Variants in ZBBX observed in about 807,000 individuals in gnomAD.
ZBBX encodes the protein zinc finger B-box domain-containing protein 1.
ZBBX carries 101 observed loss-of-function variants against 108.5 expected under a neutral mutation model. The ratio of observed to expected loss-of-function variants is 0.93; its 90% CI spans 0.79 to 1.10. ZBBX has a LOEUF of 1.10. Ranked by LOEUF, ZBBX falls within the 50% of genes least tolerant of loss-of-function variation. The pLI is 0.00. For synonymous variants in ZBBX, 356 were observed against 323.4 expected, an observed-to-expected ratio of 1.10 and a Z score of -1.08; for missense variants, 1,009 against 941.4, an observed-to-expected ratio of 1.07 and a Z score of -0.94.
At chr3:167,360,862 T>C in intron 6 of ZBBX, 139 bp from the exon 7 acceptor site, 1 of 378,082 alleles carries the variant, frequency 2.6e-6, no homozygotes, top group South Asian at 9.9e-5. Flanking sequence ...ATAAAATTAA[T>C]AGGAGATCAT....
chr3:167,378,644 GCAGCCTTAGAAACTACCTAGAGAAGGCA>G (rs1216967520), intron 2 of ZBBX, among the ~76,000 whole-genome samples: 1 of 152,152 alleles, frequency 6.6e-6, no homozygotes, highest in African/African-American at 2.4e-5. Context: ...AGGGAAAGGG[GCAGCCTTAGAAACTACCTAGAGAAGGCA>G]CAGCCTTAGA....
the ZBBX span, among the ~76,000 whole-genome samples, chr3:167,230,960 A>T: frequency 6.6e-5 from 10 of 151,948 alleles, no homozygotes; most frequent in Admixed American, 6.6e-4. Context: ...CATGTATTTT[A>T]AAATAGAGTT....
chr3:167,243,727 T>C (rs1205613193), intron 20 of ZBBX, among the ~76,000 whole-genome samples: 1 of 148,308 alleles, frequency 6.7e-6, no homozygotes, highest in Non-Finnish European at 1.5e-5. Context: ...TCAACATACA[T>C]GTGTTCTACA....
intron 1 of ZBBX, among the ~76,000 whole-genome samples, chr3:167,405,636 G>C (rs1033007643): frequency 6.6e-6 from 1 of 152,184 alleles, no homozygotes; most frequent in Non-Finnish European, 1.5e-5. Context: ...CTTTCAGGGA[G>C]CTTGATATTT....
intron 20 of ZBBX, among the ~76,000 whole-genome samples, chr3:167,258,217 C>T (rs1723867809): frequency 6.6e-6 from 1 of 152,080 alleles, no homozygotes; most frequent in African/African-American, 2.4e-5. Context: ...CTAGTACAGC[C>T]ACTATGGAAA....
At chr3:167,179,127 A>G in the ZBBX span, among the ~76,000 whole-genome samples, 1 of 152,152 alleles carries the variant, frequency 6.6e-6, no homozygotes, top group Admixed American at 6.5e-5. Flanking sequence ...CATGATTGGC[A>G]TGTAGCCCAG....
chr3:167,197,255 T>C, the ZBBX span, among the ~76,000 whole-genome samples: 1 of 152,162 alleles, frequency 6.6e-6, no homozygotes, highest in South Asian at 2.1e-4. Flanking sequence ...ATTTAAAATG[T>C]AGGCTGGGCA....
At chr3:167,332,733 C>T (rs560258944) in intron 10 of ZBBX, among the ~76,000 whole-genome samples, 4 of 152,158 alleles carry the variant, frequency 2.6e-5, no homozygotes, top group Admixed American at 1.3e-4. Flanking sequence ...AAGGGAGGCA[C>T]GAAGAAGAAA....
intron 20 of ZBBX, among the ~76,000 whole-genome samples, chr3:167,276,524 T>A (rs2108498966): frequency 6.6e-6 from 1 of 151,572 alleles, no homozygotes; most frequent in Non-Finnish European, 1.5e-5. Context: ...TAAAATGAAG[T>A]GAGAAGGGAA....
chr3:167,400,626 T>C (rs1748396310), intron 1 of ZBBX, among the ~76,000 whole-genome samples: 1 of 152,074 alleles, frequency 6.6e-6, no homozygotes, highest in South Asian at 2.1e-4. Context: ...CAGGTATCAG[T>C]TAATTTAGAA....
At chr3:167,180,082 C>T in the ZBBX span, among the ~76,000 whole-genome samples, 1 of 152,098 alleles carries the variant, frequency 6.6e-6, no homozygotes, top group African/African-American at 2.4e-5. Context: ...AAGAAAAAGC[C>T]ACTCTACAAG....
In ZBBX at chr3:167,267,781, C is replaced by T. The variant is rs114258847; in HGVS notation, c.2254+14457G>A. 8.9e-3 allele frequency among the ~76,000 whole-genome samples: 1,358 copies of T among 152,198 alleles called. 28 individuals carry two copies. The highest frequency in any genetic ancestry group is 0.031 in the African/African-American group (1,281 of 41,512). Reference sequence around the variant, plus strand: ...CCTTAAAAACAACTAGGGAAAAGCCCGATCTAGCATCCGACAATGAAGACT... The same window carrying T: ...CCTTAAAAACAACTAGGGAAAAGCCTGATCTAGCATCCGACAATGAAGACT... On this transcript the variant is annotated intron_variant, in intron 20 of 21. Transcript: ENST00000675490.
At position 167,239,972 on chromosome 3, in the gene ZBBX, A is replaced by C. The variant is rs1465082912; in HGVS notation, c.*821T>G. On this transcript the variant is annotated 3_prime_UTR_variant, in exon 22 of 22. Coordinates refer to ENST00000675490, the MANE Select transcript of ZBBX (RefSeq NM_001199201.2). ...GGAGCAGCAAAGAGAAGTCCTGAGC[A>C]AAAGGGGGGACAGCCCCTTATAAAA... Among the ~76,000 whole-genome samples the C allele has an allele frequency of 1.3e-5, 2 of 152,124 alleles. No homozygotes were observed. Among genetic ancestry groups the C allele is most frequent in the Non-Finnish European group, 2.9e-5 (2 of 68,010 alleles).
At chr3:167,289,574 C>T (rs1390031549) in intron 18 of ZBBX, among the ~76,000 whole-genome samples, 1 of 152,234 alleles carries the variant, frequency 6.6e-6, no homozygotes, top group Non-Finnish European at 1.5e-5. Flanking sequence ...GGCTCGGATA[C>T]TGTGCTTTTC....
chr3:167,202,627 A>T, the ZBBX span, among the ~76,000 whole-genome samples: 2 of 152,124 alleles, frequency 1.3e-5, no homozygotes, highest in Non-Finnish European at 2.9e-5. Flanking sequence ...TTGAAAATTG[A>T]TTCTGCAGTT....
intron 11 of ZBBX, among the ~76,000 whole-genome samples, chr3:167,323,838 G>C (rs984542449): frequency 6.6e-6 from 1 of 152,060 alleles, no homozygotes; most frequent in Non-Finnish European, 1.5e-5. Flanking sequence ...AGAGTAACAG[G>C]AGATGAGATG....
chr3:167,400,640 T>G (rs1287571924), intron 1 of ZBBX, among the ~76,000 whole-genome samples: 2 of 152,042 alleles, frequency 1.3e-5, no homozygotes, highest in Non-Finnish European at 2.9e-5. Flanking sequence ...TTTAGAAAGT[T>G]TATTTTGCCA....
At chr3:167,290,129 G>A (rs1008499515) in intron 18 of ZBBX, among the ~76,000 whole-genome samples, 2 of 152,134 alleles carry the variant, frequency 1.3e-5, no homozygotes, top group East Asian at 1.9e-4. Flanking sequence ...GGGAAGGGGC[G>A]GTTGTAGGTG....
chr3:167,275,524 C>T lies in ZBBX; in HGVS notation c.2254+6714G>A, dbSNP rs1576852142. Among the ~76,000 whole-genome samples, 6 of 152,298 alleles carry T rather than the reference C, an allele frequency of 3.9e-5. No homozygotes were observed. The South Asian group carries it at 1.2e-3, about 32-fold the overall frequency. ...AGTCAAAGAAAGGGGTGACAGACAGCACCTGGAAAATGGGTCACTCCCACC... is the reference window on the plus strand; with the variant it reads ...AGTCAAAGAAAGGGGTGACAGACAGTACCTGGAAAATGGGTCACTCCCACC... On this transcript the variant is annotated intron_variant, in intron 20 of 21. Coordinates refer to ENST00000675490, the MANE Select transcript of ZBBX (RefSeq NM_001199201.2).
Sources: gnomAD v4.1 joint callset for allele counts (sites outside exome capture counted in the v4.1 genomes callset) on GRCh38, gnomAD v4.1.1 for gene constraint, MANE v1.5 for transcripts, NCBI Gene and HGNC (gene_info 2026-07-23, HGNC 2026-07-21) for gene names.